The following PTPRG variants were observed in gnomAD, a reference collection of about 807,000 sequenced individuals.
The protein encoded by PTPRG is receptor-type tyrosine-protein phosphatase gamma.
A neutral mutation model predicts 165.3 loss-of-function variants in PTPRG; 102 were observed. The ratio of observed to expected loss-of-function variants is 0.62; its 90% confidence interval spans 0.53 to 0.73. PTPRG has a LOEUF of 0.73. Ranked by LOEUF, PTPRG falls within the 30% of genes least tolerant of loss-of-function variation. The pLI is 0.00. For synonymous variants in PTPRG, 675 were observed against 669.5 expected, an observed-to-expected ratio of 1.01 and a Z score of -0.13; for missense variants, 1,866 against 1,861.4, an observed-to-expected ratio of 1.00 and a Z score of -0.05.
intron 2 of PTPRG, among the ~76,000 whole-genome samples, chr3:61,806,099 G>A (rs985538210): frequency 2.0e-5 from 3 of 152,156 alleles, no homozygotes; most frequent in African/African-American, 7.2e-5. Flanking sequence ...GAATTGATAA[G>A]CATCGAATAT....
intron 1 of PTPRG, among the ~76,000 whole-genome samples, chr3:61,722,222 TACACAC>T (rs111827362): frequency 1.3e-5 from 2 of 148,970 alleles, no homozygotes; most frequent in Admixed American, 6.7e-5. Context: ...GCAAAACAAA[TACACAC>T]ACACACACAC....
At chr3:61,941,717 C>G (rs942954667) in intron 2 of PTPRG, among the ~76,000 whole-genome samples, 2 of 152,186 alleles carry the variant, frequency 1.3e-5, no homozygotes, top group African/African-American at 4.8e-5. Flanking sequence ...TAGTCTCCCT[C>G]CAACTTCCCC....
intron 2 of PTPRG, among the ~76,000 whole-genome samples, chr3:61,939,400 G>A (rs2039557528): frequency 6.6e-6 from 1 of 152,160 alleles, no homozygotes; most frequent in Non-Finnish European, 1.5e-5. Context: ...GTAAGTGATG[G>A]AACCTAAAGA....
At chr3:61,762,216 T>G (rs543520828) in intron 2 of PTPRG, among the ~76,000 whole-genome samples, 1 of 152,196 alleles carries the variant, frequency 6.6e-6, no homozygotes, top group East Asian at 1.9e-4. Context: ...TACATTCTTA[T>G]ACCATTTCCT....
chr3:61,961,543 A>T (rs2040153023), intron 2 of PTPRG, among the ~76,000 whole-genome samples: 1 of 152,242 alleles, frequency 6.6e-6, no homozygotes, highest in African/African-American at 2.4e-5. Flanking sequence ...GTTTAGGCAC[A>T]TCATTCCTCA....
At chr3:61,946,276 C>G (rs938409911) in intron 2 of PTPRG, among the ~76,000 whole-genome samples, 1 of 152,150 alleles carries the variant, frequency 6.6e-6, no homozygotes. Context: ...CTGACAGCAA[C>G]TCTACAATTG....
chr3:61,893,976 G>A (rs1421968743), intron 2 of PTPRG, among the ~76,000 whole-genome samples: 2 of 152,060 alleles, frequency 1.3e-5, no homozygotes, highest in African/African-American at 4.8e-5. Flanking sequence ...AGAAGCTGGT[G>A]GTGGGGGTGT....
chr3:61,563,921 C>T (rs1162647128), intron 1 of PTPRG, among the ~76,000 whole-genome samples: 3 of 152,160 alleles, frequency 2.0e-5, no homozygotes, highest in East Asian at 1.9e-4. Flanking sequence ...TTTCTCTCTG[C>T]GCATCCTCCT....
intron 2 of PTPRG, among the ~76,000 whole-genome samples, chr3:61,919,217 A>C (rs1000828980): frequency 2.0e-5 from 3 of 152,184 alleles, no homozygotes; most frequent in Admixed American, 6.5e-5. Context: ...ATACCGGCTC[A>C]TCTCCTGCTT....
At chr3:62,014,520 G>T (rs2041495539) in intron 4 of PTPRG, among the ~76,000 whole-genome samples, 1 of 152,184 alleles carries the variant, frequency 6.6e-6, no homozygotes, top group South Asian at 2.1e-4. Context: ...CACACAGATA[G>T]AGCTTCAACT....
intron 6 of PTPRG, among the ~76,000 whole-genome samples, chr3:62,156,317 T>G (rs981313893): frequency 1.3e-5 from 2 of 152,220 alleles, no homozygotes; most frequent in African/African-American, 4.8e-5. Context: ...TCTTAGGAGC[T>G]GTGTGACCTT....
intron 5 of PTPRG, among the ~76,000 whole-genome samples, chr3:62,116,229 A>G (rs1375134371): frequency 6.6e-6 from 1 of 152,188 alleles, no homozygotes. Flanking sequence ...CATAGGACAG[A>G]TTGAAAATCC....
intron 4 of PTPRG, among the ~76,000 whole-genome samples, chr3:62,046,528 T>G (rs1700298348): frequency 6.6e-6 from 1 of 152,164 alleles, no homozygotes; most frequent in Admixed American, 6.5e-5. Context: ...TCTTAATCCT[T>G]CTCAAAGAAG....
Position 61,745,188 on chromosome 3 carries a change from C to G in PTPRG, c.86-3690C>G, listed in dbSNP as rs1161363421. Among the ~76,000 whole-genome samples, 4 of 151,596 alleles carry G rather than the reference C, an allele frequency of 2.6e-5. No individual in the cohort carries two copies. In the East Asian group the frequency reaches 7.8e-4, roughly 30 times the overall value. On this transcript the variant is annotated intron_variant, in intron 1 of 29. Transcript: ENST00000474889. Reference sequence around the variant, plus strand: ...GCCTCAGCCTCCCGAGTAGCTGGGACTGCAGGCGTGCCACCATGCCCAGCT... The same window carrying G: ...GCCTCAGCCTCCCGAGTAGCTGGGAGTGCAGGCGTGCCACCATGCCCAGCT...
chr3:62,019,453 G>A (rs1460704423), intron 4 of PTPRG, among the ~76,000 whole-genome samples: 1 of 151,238 alleles, frequency 6.6e-6, no homozygotes, highest in East Asian at 2.0e-4. Flanking sequence ...AACTCAGGGG[G>A]TGGAGGTTGC....
intron 2 of PTPRG, among the ~76,000 whole-genome samples, chr3:61,877,469 T>C (rs1487186984): frequency 1.3e-5 from 2 of 151,820 alleles, no homozygotes; most frequent in East Asian, 1.9e-4. Flanking sequence ...CATGTGGTTG[T>C]TGTGTAGTTT....
At chr3:61,626,439 A>G (rs1472821678) in intron 1 of PTPRG, among the ~76,000 whole-genome samples, 3 of 152,158 alleles carry the variant, frequency 2.0e-5, no homozygotes, top group Non-Finnish European at 2.9e-5. Flanking sequence ...AAGGGGTTGC[A>G]TTTTCCATAC....
chr3:62,174,415 T>A (rs1441669047), intron 8 of PTPRG, among the ~76,000 whole-genome samples: 5 of 152,200 alleles, frequency 3.3e-5, no homozygotes, highest in Admixed American at 1.3e-4. Flanking sequence ...CCTAAGCCGA[T>A]GTCGTGTTTT....
At chr3:62,009,778 C>T (rs1265001121) in intron 4 of PTPRG, among the ~76,000 whole-genome samples, 2 of 152,154 alleles carry the variant, frequency 1.3e-5, no homozygotes, top group Non-Finnish European at 1.5e-5. Context: ...TAGATGTGGA[C>T]CAGCCTGTCT....
Sources: allele counts gnomAD v4.1 joint callset (sites outside exome capture counted in the v4.1 genomes callset), GRCh38; gene constraint gnomAD v4.1.1; transcripts MANE v1.5; gene names NCBI Gene and HGNC (gene_info 2026-07-23, HGNC 2026-07-21).